KANSL2: variants seen among roughly 807,000 people sequenced by gnomAD.
KANSL2 encodes the protein NSL complex protein NSL2.
KANSL2 carries 34 observed loss-of-function variants against 55.6 expected under a neutral mutation model. The ratio of observed to expected loss-of-function variants is 0.61; its 90% CI spans 0.46 to 0.81. The LOEUF (loss-of-function observed/expected upper bound fraction) is 0.81, where lower values mean the gene tolerates loss of function less well. KANSL2 is among the 40% of genes least tolerant of loss of function. KANSL2 has a pLI of 0.00. For missense variants in KANSL2, 502 were observed against 609.9 expected, an observed-to-expected ratio of 0.82 and a Z score of 1.86; for synonymous variants, 209 against 214.3, an observed-to-expected ratio of 0.98 and a Z score of 0.22.
chr12:48,672,434 T>TATACGTATATATATATATATATATATATA (rs71080136), intron 4 of KANSL2, among the ~76,000 whole-genome samples: 2 of 98,030 alleles, frequency 2.0e-5, no homozygotes, highest in Non-Finnish European at 4.3e-5. Context: ...TATATATATA[T>TATACGTATATATATATATATATATATATA]TTTTTTTTTG....
At chr12:48,664,037 C>T (rs938830816) in intron 7 of KANSL2, among the ~76,000 whole-genome samples, 6 of 150,746 alleles carry the variant, frequency 4.0e-5, no homozygotes, top group Non-Finnish European at 8.8e-5. Context: ...GCCTCAGCCT[C>T]CCGAGTAGCT....
rs1939847580 is a variant in KANSL2, at chr12:48,677,676, G to A, written c.545+1360C>T. Among the ~76,000 whole-genome samples, 4 of 150,706 alleles carry A rather than the reference G, an allele frequency of 2.7e-5. No individual in the cohort carries two copies. The South Asian group carries it at 6.3e-4, about 24-fold the overall frequency. On this transcript the variant is annotated intron_variant, in intron 4 of 9. Transcript: ENST00000420613. The stretch of plus-strand genomic sequence containing the variant: ...GGTGCCTATAATCCCAGCTACTTGG[G>A]AGGGAGGCTGAGGCAGGAGAATTGC...
intron 8 of KANSL2, among the ~76,000 whole-genome samples, chr12:48,657,857 T>C (rs1359337447): frequency 6.6e-6 from 1 of 152,148 alleles, no homozygotes; most frequent in Non-Finnish European, 1.5e-5. Flanking sequence ...CCTCAGGTGA[T>C]CTACCCGTCT....
At chr12:48,672,405 ATACG>A (rs1470363501) in intron 4 of KANSL2, among the ~76,000 whole-genome samples, 2 of 128,228 alleles carry the variant, frequency 1.6e-5, no homozygotes, top group African/African-American at 5.8e-5. Context: ...ATATATATAT[ATACG>A]TATATATATA....
Position 48,681,444 on chromosome 12 carries a change from A to G in KANSL2, c.189T>C (p.Tyr63=), listed in dbSNP as rs777401535. Residue 63 remains tyrosine (Y), a synonymous_variant, in exon 2 of 10, where the codon TAT becomes TAC. Transcript: ENST00000420613. The stretch of plus-strand genomic sequence containing the variant: ...ATCTTTTTCCATTCTTCGTCGATAT[A>G]TAACTACACTGCTTGAAGGGTGCAT... The part of the protein sequence containing the change: ...DKNAPFKQCS[Y]ISTKNGKRCP... 14 of 1,613,802 alleles carry G rather than the reference A, an allele frequency of 8.7e-6. No homozygotes were observed.
At chr12:48,664,645 G>T (rs1939557510) in intron 7 of KANSL2, among the ~76,000 whole-genome samples, 1 of 139,602 alleles carries the variant, frequency 7.2e-6, no homozygotes, top group South Asian at 2.3e-4. Context: ...GCAGTGGCGT[G>T]AACTCCTCCC....
intron 8 of KANSL2, among the ~76,000 whole-genome samples, chr12:48,657,431 A>G (rs566218192): frequency 6.6e-6 from 1 of 152,152 alleles, no homozygotes; most frequent in South Asian, 2.1e-4. Flanking sequence ...TCTCAAAAAA[A>G]AATAATAAAA....
At chr12:48,678,651 G>T (rs550869180) in intron 4 of KANSL2, among the ~76,000 whole-genome samples, 72 of 152,232 alleles carry the variant, frequency 4.7e-4, no homozygotes, top group African/African-American at 1.3e-3. Flanking sequence ...ACATTTTGCA[G>T]AAGTATTCAA....
Position 48,660,487 on chromosome 12 carries a change from TGAG to T in KANSL2, c.1103_1105del (p.Pro368del). ...CAGTACCTGCTCGGGCTTATACATC[TGAG>T]GAGGCAACTGGAAATGCAGTGGGCA... On this transcript the variant is annotated inframe_deletion, in exon 8 of 10. Coordinates refer to ENST00000420613, the MANE Select transcript of KANSL2 (RefSeq NM_017822.4). 6.2e-7 allele frequency: 1 copy of T among 1,613,896 alleles called. No homozygotes were observed. Among genetic ancestry groups the T allele is most frequent in the Non-Finnish European group, 8.5e-7 (1 of 1,179,844 alleles).
chr12:48,681,774 G>T (rs1160073190), intron 1 of KANSL2, 133 bp from the exon 2 acceptor site: 3 of 1,126,382 alleles, frequency 2.7e-6, no homozygotes, highest in Admixed American at 3.9e-5. Flanking sequence ...AGTCCCCGCC[G>T]CCCTCCCCAA....
chr12:48,673,619 T>A (rs61496293), intron 4 of KANSL2, among the ~76,000 whole-genome samples: 10,474 of 150,246 alleles, frequency 0.07, 803 homozygotes, highest in African/African-American at 0.19. Context: ...TAATATATGG[T>A]AGACTGTTCT....
intron 8 of KANSL2, among the ~76,000 whole-genome samples, 176 bp downstream of exon 8, chr12:48,660,190 T>C (rs1441151442): frequency 6.6e-6 from 1 of 152,198 alleles, no homozygotes; most frequent in African/African-American, 2.4e-5. Context: ...GAAAAAAATA[T>C]AAGGTAGGGT....
Position 48,667,767 on chromosome 12 carries a change from T to C in KANSL2, c.899A>G (p.Gln300Arg), listed in dbSNP as rs1243020348. ...ATCATCCACAAAGGCCAAGCACCTC[T>C]GACTGGAACGAGTGGTATGGGCCTG... is the stretch of plus-strand genomic sequence containing the variant. ...AQQAHTTRSS[Q>R]RCLAFVDDVR... Residue 300 changes from glutamine to arginine, a missense_variant, in exon 7 of 10, where the codon CAG (glutamine) becomes CGG (arginine). By Grantham distance (43) the Gln-to-Arg change is conservative (BLOSUM62 1). Coordinates refer to ENST00000420613, the MANE Select transcript of KANSL2 (RefSeq NM_017822.4). 2 of 1,613,444 alleles carry C rather than the reference T, an allele frequency of 1.2e-6. No individual in the cohort carries two copies. The highest frequency in any genetic ancestry group is 1.7e-6 in the Non-Finnish European group (2 of 1,179,522).
At chr12:48,675,391 T>C (rs111278417) in intron 4 of KANSL2, among the ~76,000 whole-genome samples, 5,405 of 152,120 alleles carry the variant, frequency 0.036, 143 homozygotes, top group African/African-American at 0.072. Context: ...GGCAACAGAG[T>C]GAGAGTCCGT....
chr12:48,654,622 T>C (rs1939342522), intron 9 of KANSL2: 1 of 531,706 alleles, frequency 1.9e-6, no homozygotes, highest in Non-Finnish European at 3.7e-6. Flanking sequence ...TCAGAAGGTA[T>C]GATTTCCCTA....
intron 4 of KANSL2, among the ~76,000 whole-genome samples, chr12:48,675,894 T>C (rs1166454699): frequency 1.3e-5 from 2 of 152,238 alleles, no homozygotes; most frequent in Non-Finnish European, 2.9e-5. Context: ...CCTTATATTC[T>C]ACTAAATAGT....
chr12:48,681,109 C>A, intron 2 of KANSL2: 1 of 254,934 alleles, frequency 3.9e-6, no homozygotes, highest in Non-Finnish European at 7.3e-6. Context: ...AGCAAGACCC[C>A]ATCTCTCTTA....
intron 5 of KANSL2, among the ~76,000 whole-genome samples, 157 bp downstream of exon 5, chr12:48,671,642 C>CTAAA (rs2137195265): frequency 6.6e-6 from 1 of 152,268 alleles, no homozygotes; most frequent in Non-Finnish European, 1.5e-5. Flanking sequence ...ATGTTGCAGG[C>CTAAA]TATACCACCT....
intron 8 of KANSL2, among the ~76,000 whole-genome samples, chr12:48,657,968 C>T (rs896482669): frequency 2.0e-5 from 3 of 152,120 alleles, no homozygotes; most frequent in Non-Finnish European, 4.4e-5. Context: ...CGGTGGCTCA[C>T]GCCTGTAATC....
Sources: gnomAD v4.1 joint callset for allele counts (sites outside exome capture counted in the v4.1 genomes callset) on GRCh38, gnomAD v4.1.1 for gene constraint, MANE v1.5 for transcripts, NCBI Gene and HGNC (gene_info 2026-07-23, HGNC 2026-07-21) for gene names.